CLSTN2: variants seen among roughly 807,000 people sequenced by gnomAD.
The protein encoded by CLSTN2 is calsyntenin 2.
CLSTN2 carries 48 observed loss-of-function variants against 101.2 expected under a neutral mutation model. The ratio of observed to expected loss-of-function variants is 0.47; its 90% CI spans 0.38 to 0.60. CLSTN2 has a LOEUF of 0.60. Ranked by LOEUF, CLSTN2 falls within the 20% of genes least tolerant of loss-of-function variation. The probability of loss-of-function intolerance (pLI) is 0.00; values close to 1 mark genes in which losing one functional copy is unlikely to be tolerated. For missense variants in CLSTN2, 1,160 were observed against 1,238.2 expected (o/e 0.94, Z 0.95); for synonymous variants, 481 against 463.6 (o/e 1.04, Z -0.48).
intron 1 of CLSTN2, among the ~76,000 whole-genome samples, chr3:140,123,117 C>T (rs2009370759): frequency 1.5e-5 from 2 of 130,336 alleles, no homozygotes; most frequent in South Asian, 4.7e-4. Flanking sequence ...CTAGTGAGGG[C>T]TGACTTTCTT....
intron 9 of CLSTN2, among the ~76,000 whole-genome samples, chr3:140,541,845 G>A (rs563187316): frequency 1.3e-5 from 2 of 152,096 alleles, no homozygotes; most frequent in South Asian, 2.1e-4. Context: ...TGATCTATAC[G>A]CAGACCTCCT....
intron 1 of CLSTN2, among the ~76,000 whole-genome samples, chr3:139,954,261 C>A (rs538159346): frequency 6.6e-6 from 1 of 152,156 alleles, no homozygotes; most frequent in Non-Finnish European, 1.5e-5. Flanking sequence ...CTTTGGGCAT[C>A]CAGTCAGACT....
chr3:140,240,371 C>G (rs950945023), intron 2 of CLSTN2, among the ~76,000 whole-genome samples: 1 of 13,870 alleles, frequency 7.2e-5, no homozygotes, highest in East Asian at 4.4e-3. Flanking sequence ...GAGCTAGTTA[C>G]ATGAACAAAA....
intron 8 of CLSTN2, among the ~76,000 whole-genome samples, chr3:140,496,487 C>G (rs1003616992): frequency 1.3e-5 from 2 of 152,208 alleles, no homozygotes; most frequent in Non-Finnish European, 2.9e-5. Flanking sequence ...CTGGGCCAAA[C>G]TTCCAATACA....
At chr3:140,269,631 T>C (rs1033371466) in intron 2 of CLSTN2, among the ~76,000 whole-genome samples, 2 of 152,194 alleles carry the variant, frequency 1.3e-5, no homozygotes, top group African/African-American at 2.4e-5. Flanking sequence ...TTCGATATTA[T>C]TGAGTGAACT....
chr3:140,261,051 A>C (rs1023112470), intron 2 of CLSTN2, among the ~76,000 whole-genome samples: 5 of 152,168 alleles, frequency 3.3e-5, no homozygotes, highest in African/African-American at 1.2e-4. Flanking sequence ...CGTCTGGCTC[A>C]GGAAGTGTTT....
chr3:140,373,948 G>C (rs918785830), intron 2 of CLSTN2, among the ~76,000 whole-genome samples: 3 of 152,106 alleles, frequency 2.0e-5, no homozygotes, highest in African/African-American at 7.2e-5. Context: ...GAACATTCAG[G>C]CTCTAGACCT....
chr3:140,385,713 G>T (rs559567587), intron 2 of CLSTN2, among the ~76,000 whole-genome samples: 111 of 152,154 alleles, frequency 7.3e-4, no homozygotes, highest in African/African-American at 2.6e-3. Context: ...ATTTCAGAGC[G>T]GGGCTTCTCT....
At chr3:140,404,255 T>C (rs1424375693) in intron 3 of CLSTN2, among the ~76,000 whole-genome samples, 1 of 152,234 alleles carries the variant, frequency 6.6e-6, no homozygotes. Context: ...GTTAAATTCT[T>C]ACTGAATGGA....
rs536374131 is a variant in CLSTN2, at chr3:140,479,342, C to T, written c.1344+12611C>T. Reference sequence around the variant, plus strand: ...ACCTCTATAAAGGATAAAACCAAAACTTCTACAAGTGCAAGGTAATCATCC... The same window carrying T: ...ACCTCTATAAAGGATAAAACCAAAATTTCTACAAGTGCAAGGTAATCATCC... On this transcript the variant is annotated intron_variant, in intron 8 of 16. Transcript: ENST00000458420. Among the ~76,000 whole-genome samples, 25 of 152,296 alleles carry T rather than the reference C, an allele frequency of 1.6e-4. No individual in the cohort carries two copies. The East Asian group carries it at 4.2e-3, about 26-fold the overall frequency.
At chr3:140,269,424 G>T (rs2086721909) in intron 2 of CLSTN2, among the ~76,000 whole-genome samples, 1 of 152,296 alleles carries the variant, frequency 6.6e-6, no homozygotes, top group South Asian at 2.1e-4. Context: ...GAGTGTTTTG[G>T]AACTCAGATA....
chr3:140,320,311 T>C (rs377181234), intron 2 of CLSTN2, among the ~76,000 whole-genome samples: 104 of 152,264 alleles, frequency 6.8e-4, no homozygotes, highest in African/African-American at 2.3e-3. Context: ...ATTGGGGCAC[T>C]GGGTCAAGGA....
At chr3:140,474,957 C>CATGACTAAAAGGAGGGAGTCA (rs1162111364) in intron 8 of CLSTN2, among the ~76,000 whole-genome samples, 5 of 128,994 alleles carry the variant, frequency 3.9e-5, no homozygotes, top group East Asian at 2.5e-4. Flanking sequence ...GAAAGAAGCC[C>CATGACTAAAAGGAGGGAGTCA]CCACTACACG....
chr3:140,385,011 G>A (rs2088034595), intron 2 of CLSTN2, among the ~76,000 whole-genome samples: 1 of 152,152 alleles, frequency 6.6e-6, no homozygotes, highest in Non-Finnish European at 1.5e-5. Context: ...AAAGAAGTGG[G>A]CAAATCCTAG....
intron 6 of CLSTN2, chr3:140,454,546 A>C (rs552864832): frequency 2.6e-5 from 4 of 152,244 alleles, no homozygotes; most frequent in Non-Finnish European, 5.9e-5. Flanking sequence ...ACTGCTGATG[A>C]CAATCACTGA....
At chr3:140,074,954 T>G (rs1199710652) in intron 1 of CLSTN2, among the ~76,000 whole-genome samples, 1 of 152,176 alleles carries the variant, frequency 6.6e-6, no homozygotes, top group African/African-American at 2.4e-5. Context: ...GTATTTTTCA[T>G]GGACACAGTT....
At chr3:140,078,531 C>T in intron 1 of CLSTN2, among the ~76,000 whole-genome samples, 1 of 152,230 alleles carries the variant, frequency 6.6e-6, no homozygotes, top group Middle Eastern at 3.2e-3. Flanking sequence ...ATGTCTCCAA[C>T]AGTCTTCAAT....
chr3:140,037,145 G>A (rs2007670232), intron 1 of CLSTN2, among the ~76,000 whole-genome samples: 1 of 151,914 alleles, frequency 6.6e-6, no homozygotes, highest in African/African-American at 2.4e-5. Context: ...CTTAATTATT[G>A]TTTTCAAACT....
intron 8 of CLSTN2, among the ~76,000 whole-genome samples, chr3:140,519,476 T>C (rs1048818929): frequency 1.4e-4 from 21 of 152,254 alleles, no homozygotes; most frequent in African/African-American, 4.3e-4. Flanking sequence ...CTAAGTCTCT[T>C]TGTAGTCTCT....
Sources: allele counts gnomAD v4.1 joint callset (sites outside exome capture counted in the v4.1 genomes callset), GRCh38; gene constraint gnomAD v4.1.1; transcripts MANE v1.5; gene names NCBI Gene and HGNC (gene_info 2026-07-23, HGNC 2026-07-21).